Variants in PLCL1 observed in about 807,000 individuals in gnomAD.
PLCL1 encodes the protein phospholipase C like 1 (inactive).
Under a neutral mutation model 84.4 loss-of-function variants are expected in PLCL1, and 41 were observed. The observed-to-expected ratio is 0.49, with a 90% confidence interval of 0.38 to 0.63. The LOEUF (loss-of-function observed/expected upper bound fraction) is 0.63, where lower values mean the gene tolerates loss of function less well. Among genes scored for constraint, PLCL1 ranks in the 30% least tolerant of loss-of-function variants. The probability of loss-of-function intolerance (pLI) is 0.00; values close to 1 mark genes in which losing one functional copy is unlikely to be tolerated. For synonymous variants in PLCL1, 490 were observed against 488.3 expected, an observed-to-expected ratio of 1.00 and a Z score of -0.05; for missense variants, 1,206 against 1,367.8, an observed-to-expected ratio of 0.88 and a Z score of 1.87.
intron 1 of PLCL1, among the ~76,000 whole-genome samples, chr2:197,922,029 T>G (rs1311273169): frequency 6.9e-6 from 1 of 144,810 alleles, no homozygotes; most frequent in African/African-American, 2.5e-5. Context: ...AATTTATTTT[T>G]TTATTGATAA....
chr2:198,096,801 GC>G (rs1361412815), intron 3 of PLCL1, among the ~76,000 whole-genome samples: 4 of 152,114 alleles, frequency 2.6e-5, no homozygotes, highest in African/African-American at 9.7e-5. Context: ...CAGGAATCTA[GC>G]AAAAAAGAGC....
At chr2:198,044,390 G>A (rs930122225) in intron 1 of PLCL1, among the ~76,000 whole-genome samples, 1 of 152,132 alleles carries the variant, frequency 6.6e-6, no homozygotes, top group Admixed American at 6.5e-5. Context: ...CAGATGGTGT[G>A]TTGCATGGTT....
intron 1 of PLCL1, among the ~76,000 whole-genome samples, chr2:198,063,976 G>A (rs935112349): frequency 2.0e-5 from 3 of 152,130 alleles, no homozygotes; most frequent in African/African-American, 4.8e-5. Context: ...CTTAGGGCCC[G>A]TTCTGTTGCC....
intron 1 of PLCL1, among the ~76,000 whole-genome samples, chr2:198,037,166 G>C (rs139749103): frequency 6.6e-6 from 1 of 152,110 alleles, no homozygotes; most frequent in African/African-American, 2.4e-5. Context: ...ATATTAATAA[G>C]CCACTAGTTT....
At chr2:198,076,837 A>T (rs968809080) in intron 1 of PLCL1, among the ~76,000 whole-genome samples, 8 of 152,190 alleles carry the variant, frequency 5.3e-5, no homozygotes, top group African/African-American at 1.9e-4. Context: ...CAACAGATAC[A>T]GTGATGATCC....
At chr2:198,072,496 A>C (rs775468822) in intron 1 of PLCL1, among the ~76,000 whole-genome samples, 1 of 151,826 alleles carries the variant, frequency 6.6e-6, no homozygotes, top group Non-Finnish European at 1.5e-5. Context: ...TGGCTTAACT[A>C]TCCAAAATTA....
intron 1 of PLCL1, among the ~76,000 whole-genome samples, chr2:197,867,591 T>TG (rs1455978210): frequency 6.6e-6 from 1 of 152,182 alleles, no homozygotes; most frequent in African/African-American, 2.4e-5. Context: ...TGCATGATCT[T>TG]GTGAATGAGA....
intron 1 of PLCL1, among the ~76,000 whole-genome samples, chr2:197,855,455 A>G (rs139638469): frequency 1.8e-3 from 278 of 152,278 alleles, no homozygotes; most frequent in African/African-American, 6.4e-3. Context: ...GTCTGATTCT[A>G]TTAATAAGCC....
At chr2:198,080,509 T>C (rs1389361994) in intron 1 of PLCL1, among the ~76,000 whole-genome samples, 4 of 152,138 alleles carry the variant, frequency 2.6e-5, no homozygotes, top group Non-Finnish European at 5.9e-5. Context: ...TTCAGTCCGC[T>C]GAGGCACCAT....
At chr2:197,948,997 G>A (rs1574964113) in intron 1 of PLCL1, among the ~76,000 whole-genome samples, 1 of 152,136 alleles carries the variant, frequency 6.6e-6, no homozygotes, top group African/African-American at 2.4e-5. Context: ...ATCAGCCCAA[G>A]TTTGGGATCT....
chr2:197,887,250 A>C (rs1687939446), intron 1 of PLCL1, among the ~76,000 whole-genome samples: 4 of 152,162 alleles, frequency 2.6e-5, no homozygotes, highest in Admixed American at 2.0e-4. Flanking sequence ...ACTGTTTTAC[A>C]TTGGAGTGTA....
At chr2:197,929,681 C>T (rs1328991267) in intron 1 of PLCL1, among the ~76,000 whole-genome samples, 1 of 152,154 alleles carries the variant, frequency 6.6e-6, no homozygotes, top group Non-Finnish European at 1.5e-5. Context: ...TACTGGACAG[C>T]TTCACATTTG....
chr2:198,047,878 G>A (rs1471098381), intron 1 of PLCL1, among the ~76,000 whole-genome samples: 4 of 152,074 alleles, frequency 2.6e-5, no homozygotes, highest in African/African-American at 9.7e-5. Context: ...ACTATCAGAG[G>A]GCAGGGAGGT....
chr2:197,997,306 C>G (rs923687709), intron 1 of PLCL1, among the ~76,000 whole-genome samples: 1 of 152,218 alleles, frequency 6.6e-6, no homozygotes, highest in Non-Finnish European at 1.5e-5. Context: ...GCTTGCTATC[C>G]TAAATGCAAT....
intron 1 of PLCL1, among the ~76,000 whole-genome samples, chr2:197,810,527 T>G (rs1351348853): frequency 6.6e-6 from 1 of 152,208 alleles, no homozygotes; most frequent in East Asian, 1.9e-4. Context: ...AACCTTTCCC[T>G]TTTTACAATG....
intron 1 of PLCL1, among the ~76,000 whole-genome samples, chr2:198,032,408 T>G (rs900294464): frequency 6.6e-6 from 1 of 152,324 alleles, no homozygotes; most frequent in African/African-American, 2.4e-5. Context: ...GACAAGAGAT[T>G]GCCTCAGAAA....
intron 1 of PLCL1, among the ~76,000 whole-genome samples, chr2:198,024,376 A>G (rs1459432293): frequency 6.6e-6 from 1 of 152,030 alleles, no homozygotes; most frequent in East Asian, 1.9e-4. Context: ...TGCACATTGT[A>G]TCTCAGAACC....
chr2:197,857,862 C>A (rs1350466808), intron 1 of PLCL1, among the ~76,000 whole-genome samples: 1 of 151,974 alleles, frequency 6.6e-6, no homozygotes, highest in Non-Finnish European at 1.5e-5. Flanking sequence ...AATTATATAA[C>A]CTTGCCCAAG....
intron 1 of PLCL1, among the ~76,000 whole-genome samples, chr2:197,915,486 T>A (rs556482460): frequency 9.9e-5 from 15 of 152,016 alleles, no homozygotes; most frequent in Admixed American, 2.0e-4. Context: ...TTTTTTTTTT[T>A]AAACCAAACC....
Sources: gnomAD v4.1 joint callset for allele counts (sites outside exome capture counted in the v4.1 genomes callset) on GRCh38, gnomAD v4.1.1 for gene constraint, MANE v1.5 for transcripts, NCBI Gene and HGNC (gene_info 2026-07-23, HGNC 2026-07-21) for gene names.